ZRANB3: variants seen among roughly 807,000 people sequenced by gnomAD.
ZRANB3 encodes DNA annealing helicase and endonuclease ZRANB3.
A neutral mutation model predicts 133.8 loss-of-function variants in ZRANB3; 125 were observed. The ratio of observed to expected loss-of-function variants is 0.93; its 90% CI spans 0.81 to 1.08. The LOEUF is 1.08. ZRANB3 is among the 50% of genes least tolerant of loss of function. ZRANB3 has a pLI of 0.00. For synonymous variants in ZRANB3, 387 were observed against 432.7 expected, an observed-to-expected ratio of 0.89 and a Z score of 1.31; for missense variants, 1,229 against 1,275.5, an observed-to-expected ratio of 0.96 and a Z score of 0.56.
rs567100662 is a variant in ZRANB3 at position 135,450,657 on chromosome 2, A to C, written c.161+53672T>G. Among the ~76,000 whole-genome samples, 82 of 152,330 alleles carry C rather than the reference A, an allele frequency of 5.4e-4. 1 individual carries two copies. Among genetic ancestry groups the C allele is most frequent in the Middle Eastern group, 3.4e-3 (1 of 294 alleles). Reference sequence around the variant, plus strand: ...AAGAAACAAAAAAAAATGCAAAATAAACAATGGGTTTTAAGACACTGGACA... The same window carrying C: ...AAGAAACAAAAAAAAATGCAAAATACACAATGGGTTTTAAGACACTGGACA... On this transcript the variant is annotated intron_variant, in intron 2 of 20. Transcript: ENST00000264159.
At position 135,230,798 on chromosome 2, in the gene ZRANB3, T is replaced by C. The variant is rs1232760397; in HGVS notation, c.1669A>G (p.Thr557Ala). 6.2e-7 allele frequency: 1 copy of C among 1,613,954 alleles called. No homozygotes were observed. The highest frequency in any genetic ancestry group is 1.1e-5 in the South Asian group (1 of 91,070). Residue 557 changes from threonine to alanine, a missense_variant, in exon 13 of 21, where the codon ACA (threonine) becomes GCA (alanine). Thr to Ala is a moderately conservative substitution (Grantham distance 58). Transcript: ENST00000264159. ...ATGATATCTCTTGCAGCTGTTTTTG[T>C]AGGGTCTGATGACACTACAGTATTT... ...EENTVVSSDP[T>A]KTAARDIIDY...
intron 1 of ZRANB3, among the ~76,000 whole-genome samples, chr2:135,516,111 T>C (rs975566493): frequency 6.6e-6 from 1 of 152,118 alleles, no homozygotes; most frequent in Non-Finnish European, 1.5e-5. Flanking sequence ...GTTTTTTCTT[T>C]TTTTTTTGGC....
chr2:135,304,263 G>A (rs939210588), intron 8 of ZRANB3, among the ~76,000 whole-genome samples: 1 of 152,160 alleles, frequency 6.6e-6, no homozygotes, highest in African/African-American at 2.4e-5. Flanking sequence ...TTGTGATAAA[G>A]AAGTTCCTTT....
intron 5 of ZRANB3, among the ~76,000 whole-genome samples, chr2:135,349,131 T>C (rs1375155070): frequency 6.6e-6 from 1 of 152,146 alleles, no homozygotes; most frequent in Non-Finnish European, 1.5e-5. Context: ...CAGGATAGAA[T>C]TGAAAAGCAG....
At chr2:135,280,202 C>G (rs2104780331) in intron 8 of ZRANB3, among the ~76,000 whole-genome samples, 1 of 152,266 alleles carries the variant, frequency 6.6e-6, no homozygotes, top group Admixed American at 6.5e-5. Context: ...TAGAATTGAT[C>G]TGTTAGTAAT....
At chr2:135,485,130 GAAACAAAACAAAACAAACAAAACA>G (rs1365804555) in intron 2 of ZRANB3, among the ~76,000 whole-genome samples, 4 of 151,192 alleles carry the variant, frequency 2.6e-5, no homozygotes, top group Non-Finnish European at 4.4e-5. Context: ...ACATCTCAGA[GAAACAAAACAAAACAAACAAAACA>G]AAACAAAACA....
chr2:135,411,876 G>A (rs1688317764), intron 2 of ZRANB3, among the ~76,000 whole-genome samples: 1 of 152,026 alleles, frequency 6.6e-6, no homozygotes, highest in African/African-American at 2.4e-5. Flanking sequence ...ATATACCTAT[G>A]TACCAAACCC....
At chr2:135,404,597 A>T (rs899878894) in intron 2 of ZRANB3, among the ~76,000 whole-genome samples, 14 of 152,190 alleles carry the variant, frequency 9.2e-5, no homozygotes, top group Non-Finnish European at 2.1e-4. Context: ...GGAAATACAG[A>T]GAATGCTACA....
In ZRANB3 at chr2:135,199,749, C is replaced by T. The variant is rs1367955821; in HGVS notation, c.*593G>A. 6.6e-6 allele frequency: 1 copy of T among 152,644 alleles called. No homozygotes were observed. Among genetic ancestry groups the T allele is most frequent in the Admixed American group, 6.5e-5 (1 of 15,314 alleles). The allele number at this position is 152,644 out of a possible 1,614,324, so 9.5% of individuals were successfully genotyped here. ...AAATTGTCCACAAACACCATAGGTA[C>T]CTCATTTTGAAAAGGATATTTTTGA... On this transcript the variant is annotated 3_prime_UTR_variant, in exon 21 of 21. Transcript: ENST00000264159.
intron 1 of ZRANB3, chr2:135,530,659 T>G (rs1015800239): frequency 1.3e-5 from 2 of 152,206 alleles, no homozygotes; most frequent in African/African-American, 4.8e-5. Flanking sequence ...TTAAAACCCC[T>G]ATGGTATTTT....
rs913970260 is a variant in ZRANB3, at chr2:135,277,652, C to T, written c.967-1897G>A. 6.6e-5 allele frequency among the ~76,000 whole-genome samples: 10 copies of T among 152,054 alleles called. No individual in the cohort carries two copies. The East Asian group carries it at 7.7e-4, about 12-fold the overall frequency. On this transcript the variant is annotated intron_variant, in intron 8 of 20. Transcript: ENST00000264159. ...GAAAATATAAAATATAGGCCAGGTG[C>T]GGGGGCTCACGCCTGTAATCCAAGC... is the stretch of plus-strand genomic sequence containing the variant.
At chr2:135,475,218 T>A (rs1197072806) in intron 2 of ZRANB3, among the ~76,000 whole-genome samples, 3 of 152,224 alleles carry the variant, frequency 2.0e-5, no homozygotes, top group Non-Finnish European at 4.4e-5. Flanking sequence ...TTCTAGTTTC[T>A]GAATAGAAAA....
At chr2:135,521,490 C>T (rs1693938795) in intron 1 of ZRANB3, among the ~76,000 whole-genome samples, 2 of 152,118 alleles carry the variant, frequency 1.3e-5, no homozygotes, top group South Asian at 4.1e-4. Flanking sequence ...CAAGATCGTG[C>T]CACTGCACTC....
intron 12 of ZRANB3, among the ~76,000 whole-genome samples, chr2:135,240,649 G>A (rs1483613589): frequency 6.6e-6 from 1 of 152,180 alleles, no homozygotes; most frequent in African/African-American, 2.4e-5. Context: ...TGCAATCACA[G>A]CTCATTGGAG....
chr2:135,425,767 C>T (rs1488537726), intron 2 of ZRANB3, among the ~76,000 whole-genome samples: 2 of 151,894 alleles, frequency 1.3e-5, no homozygotes, highest in African/African-American at 4.8e-5. Flanking sequence ...AACAACCTAA[C>T]ATCACACCAA....
At chr2:135,389,796 C>T (rs557204920) in intron 3 of ZRANB3, among the ~76,000 whole-genome samples, 2 of 151,938 alleles carry the variant, frequency 1.3e-5, no homozygotes, top group Admixed American at 6.6e-5. Context: ...TTTGATGATT[C>T]CACTTTTATT....
At chr2:135,232,809 A>G (rs980772735) in intron 12 of ZRANB3, among the ~76,000 whole-genome samples, 11 of 152,206 alleles carry the variant, frequency 7.2e-5, no homozygotes, top group Non-Finnish European at 1.3e-4. Context: ...ACCATCATCA[A>G]AGACCAAAGG....
intron 1 of ZRANB3, among the ~76,000 whole-genome samples, chr2:135,522,283 C>T (rs1693978776): frequency 6.6e-6 from 1 of 152,170 alleles, no homozygotes; most frequent in Non-Finnish European, 1.5e-5. Context: ...TCCCATTTGC[C>T]CTAAGAACAA....
chr2:135,393,031 C>T (rs1221968771), intron 2 of ZRANB3, among the ~76,000 whole-genome samples: 1 of 151,904 alleles, frequency 6.6e-6, no homozygotes, highest in Non-Finnish European at 1.5e-5. Flanking sequence ...CCACCACACC[C>T]AGCTATTTTT....
Sources: gnomAD v4.1 joint callset for allele counts (sites outside exome capture counted in the v4.1 genomes callset) on GRCh38, gnomAD v4.1.1 for gene constraint, MANE v1.5 for transcripts, NCBI Gene and HGNC (gene_info 2026-07-23, HGNC 2026-07-21) for gene names.